PDE4B: variants seen among roughly 807,000 people sequenced by gnomAD.
PDE4B encodes phosphodiesterase 4B.
In PDE4B, 20 loss-of-function variants were observed where a neutral mutation model predicts 82.2. The ratio of observed to expected loss-of-function variants is 0.24; its 90% CI spans 0.17 to 0.35. The LOEUF (loss-of-function observed/expected upper bound fraction) is 0.35. PDE4B is among the 10% of genes least tolerant of loss of function. The pLI, the probability that PDE4B is intolerant of heterozygous loss-of-function variation, is 1.00. For missense variants in PDE4B, 655 were observed against 907.2 expected, an observed-to-expected ratio of 0.72 and a Z score of 3.57; for synonymous variants, 320 against 318.9, an observed-to-expected ratio of 1.00 and a Z score of -0.04.
intron 3 of PDE4B, among the ~76,000 whole-genome samples, chr1:66,050,080 C>T (rs1010715401): frequency 5.9e-5 from 9 of 151,920 alleles, no homozygotes; most frequent in South Asian, 2.1e-4. Context: ...ATTCAGCATA[C>T]GGATTTATGG....
intron 3 of PDE4B, among the ~76,000 whole-genome samples, chr1:66,127,843 A>G (rs1570299533): frequency 6.6e-6 from 1 of 152,116 alleles, no homozygotes; most frequent in East Asian, 1.9e-4. Flanking sequence ...AATAGCTAAT[A>G]TTTTTATTAC....
rs1663346008 is a variant in PDE4B at position 66,367,637 on chromosome 1, T to C, written c.1385-59T>C. ...TAGGTCTGATTTCACTTTGAGATAA[T>C]GCCAACATTCAAATCATATCCCTTT... is the stretch of plus-strand genomic sequence containing the variant. On this transcript the variant is annotated intron_variant, in intron 13 of 16. Coordinates refer to ENST00000341517, the MANE Select transcript of PDE4B (RefSeq NM_002600.4). 6.4e-6 allele frequency: 9 copies of C among 1,397,314 alleles called. No homozygotes were observed. The South Asian group carries it at 7.8e-5, about 12-fold the overall frequency. 86.6% of individuals were successfully genotyped at this position (1,397,314 alleles called of 1,614,324 possible). A position where few individuals can be genotyped will look rare whatever the true frequency, so the allele number is the denominator to read the frequency against.
At chr1:65,870,857 G>A (rs1225695796) in intron 1 of PDE4B, among the ~76,000 whole-genome samples, 1 of 152,186 alleles carries the variant, frequency 6.6e-6, no homozygotes, top group African/African-American at 2.4e-5. Context: ...GACTTAGGTA[G>A]GTCCAGGTAA....
intron 3 of PDE4B, among the ~76,000 whole-genome samples, chr1:66,153,636 G>T (rs752636857): frequency 2.6e-5 from 4 of 152,178 alleles, no homozygotes; most frequent in Non-Finnish European, 5.9e-5. Flanking sequence ...CAAGTTTCCA[G>T]CACTCTGAGA....
At chr1:66,191,535 T>A (rs1045806369) in intron 3 of PDE4B, among the ~76,000 whole-genome samples, 2 of 152,174 alleles carry the variant, frequency 1.3e-5, no homozygotes, top group African/African-American at 4.8e-5. Flanking sequence ...CATAATCAGA[T>A]TACTGTCGAG....
At chr1:65,818,117 A>G (rs1000329920) in intron 1 of PDE4B, among the ~76,000 whole-genome samples, 5 of 151,948 alleles carry the variant, frequency 3.3e-5, no homozygotes, top group African/African-American at 9.7e-5. Context: ...AACCTCTTCC[A>G]CCCTCAACAA....
At chr1:66,059,172 A>G (rs865949020) in intron 3 of PDE4B, among the ~76,000 whole-genome samples, 3 of 152,068 alleles carry the variant, frequency 2.0e-5, no homozygotes, top group South Asian at 2.1e-4. Context: ...AACAAGCATC[A>G]CCTTTGCTCC....
chr1:66,104,751 C>T lies in PDE4B; in HGVS notation c.282-142709C>T, dbSNP rs942125407. Among the ~76,000 whole-genome samples the T allele has an allele frequency of 3.3e-5, 5 of 149,894 alleles. No homozygotes were observed. The Admixed American group carries it at 3.3e-4, about 10-fold the overall frequency. On this transcript the variant is annotated intron_variant, in intron 3 of 16. Transcript: ENST00000341517. ...ATAAATGTCTTCTTTTGAGAAGTGTCTGTTCATGTCCTTCGCCCACTTTTT... is the reference window on the plus strand; with the variant it reads ...ATAAATGTCTTCTTTTGAGAAGTGTTTGTTCATGTCCTTCGCCCACTTTTT...
chr1:66,363,153 A>C lies in PDE4B; in HGVS notation c.1021-15A>C, dbSNP rs765496278. 1 of 1,560,226 alleles carries C rather than the reference A, an allele frequency of 6.4e-7. No homozygotes were observed. The highest frequency in any genetic ancestry group is 8.8e-7 in the Non-Finnish European group (1 of 1,141,590). On this transcript the variant is annotated splice_polypyrimidine_tract_variant and intron_variant, in intron 10 of 16. Transcript: ENST00000341517. The stretch of plus-strand genomic sequence containing the variant: ...CTTTCCTTATTCCTAAATTCCTTTA[A>C]ATTTTTAATTATAGGAGCTGGAAGA...
intron 3 of PDE4B, among the ~76,000 whole-genome samples, chr1:66,243,665 G>A (rs1376983451): frequency 6.6e-6 from 1 of 152,132 alleles, no homozygotes; most frequent in Non-Finnish European, 1.5e-5. Flanking sequence ...AGACATTCCA[G>A]TTATGGGAAG....
At chr1:65,846,718 CTG>C (rs1353442229) in intron 1 of PDE4B, among the ~76,000 whole-genome samples, 2 of 152,084 alleles carry the variant, frequency 1.3e-5, no homozygotes, top group Non-Finnish European at 2.9e-5. Flanking sequence ...AGAATTCTAG[CTG>C]TGTATCTAGT....
chr1:65,877,475 C>T (rs897213722), intron 1 of PDE4B, among the ~76,000 whole-genome samples: 3 of 151,772 alleles, frequency 2.0e-5, no homozygotes, highest in African/African-American at 4.8e-5. Flanking sequence ...ATTAGCTGGG[C>T]GTGGTGGCAG....
At chr1:66,105,805 G>T (rs1179700538) in intron 3 of PDE4B, among the ~76,000 whole-genome samples, 1 of 151,904 alleles carries the variant, frequency 6.6e-6, no homozygotes, top group African/African-American at 2.4e-5. Context: ...CTGAGACTTT[G>T]CTGAAGTTGC....
In PDE4B at chr1:66,128,009, A is replaced by G. The variant is rs552307777; in HGVS notation, c.282-119451A>G. Among the ~76,000 whole-genome samples, 51 of 152,286 alleles carry G rather than the reference A, an allele frequency of 3.3e-4. 1 individual carries two copies. The South Asian group carries it at 0.01, about 31-fold the overall frequency. ...ATGCTAGATGTCTATACTTTAAATCATGTAAATGTTTATATGTTTGACCTC... is the reference window on the plus strand; with the variant it reads ...ATGCTAGATGTCTATACTTTAAATCGTGTAAATGTTTATATGTTTGACCTC... On this transcript the variant is annotated intron_variant, in intron 3 of 16. Transcript: ENST00000341517.
chr1:66,075,094 G>A (rs956325193), intron 3 of PDE4B, among the ~76,000 whole-genome samples: 5 of 151,982 alleles, frequency 3.3e-5, no homozygotes, highest in Admixed American at 2.6e-4. Context: ...GTAGAGGAGG[G>A]CTACTCCACA....
rs2050861734 is a variant in PDE4B, at chr1:66,373,601, C to G, written c.*923C>G. ...ATGTAATGCTGCCGTCCTTCTCTTGCACTGCCTTCTGCGCTAACACCTCCA... is the reference window on the plus strand; with the variant it reads ...ATGTAATGCTGCCGTCCTTCTCTTGGACTGCCTTCTGCGCTAACACCTCCA... On this transcript the variant is annotated 3_prime_UTR_variant, in exon 17 of 17. Coordinates refer to ENST00000341517, the MANE Select transcript of PDE4B (RefSeq NM_002600.4). 6.5e-6 allele frequency: 1 copy of G among 152,732 alleles called. No individual in the cohort carries two copies. Among genetic ancestry groups the G allele is most frequent in the African/African-American group, 2.4e-5 (1 of 41,452 alleles). 9.5% of individuals were successfully genotyped at this position (152,732 alleles called of 1,614,324 possible).
intron 3 of PDE4B, among the ~76,000 whole-genome samples, chr1:66,212,875 C>T (rs1455695034): frequency 6.6e-6 from 1 of 152,164 alleles, no homozygotes; most frequent in Admixed American, 6.5e-5. Flanking sequence ...GCAACGAGAC[C>T]TCTCTTCCTC....
intron 3 of PDE4B, among the ~76,000 whole-genome samples, chr1:66,078,445 G>A (rs560527056): frequency 6.6e-6 from 1 of 152,012 alleles, no homozygotes; most frequent in African/African-American, 2.4e-5. Flanking sequence ...CCTGACCTCA[G>A]GCAATCTGCC....
intron 3 of PDE4B, among the ~76,000 whole-genome samples, chr1:66,202,649 A>G (rs1649095726): frequency 6.6e-6 from 1 of 151,956 alleles, no homozygotes; most frequent in Admixed American, 6.5e-5. Context: ...AGTCTGTTTT[A>G]TCAGAGACTA....
Sources: allele counts gnomAD v4.1 joint callset (sites outside exome capture counted in the v4.1 genomes callset), GRCh38; gene constraint gnomAD v4.1.1; transcripts MANE v1.5; gene names NCBI Gene and HGNC (gene_info 2026-07-23, HGNC 2026-07-21).